The following HSD17B4 variants were observed in gnomAD, a reference collection of about 807,000 sequenced individuals.
The protein encoded by HSD17B4 is hydroxysteroid 17-beta dehydrogenase 4.
Under a neutral mutation model 101.0 loss-of-function variants are expected in HSD17B4, and 70 were observed. The observed-to-expected ratio is 0.69, with a 90% CI of 0.57 to 0.85. The LOEUF (loss-of-function observed/expected upper bound fraction) is 0.85, where lower values mean the gene tolerates loss of function less well. Among genes scored for constraint, HSD17B4 ranks in the 40% least tolerant of loss-of-function variants. The pLI, the probability that HSD17B4 is intolerant of heterozygous loss-of-function variation, is 0.00. For missense variants in HSD17B4, 984 were observed against 892.4 expected (o/e 1.10, Z -1.31); for synonymous variants, 347 against 297.1 (o/e 1.17, Z -1.73).
At chr5:119,515,613 A>G in intron 17 of HSD17B4, among the ~76,000 whole-genome samples, 1 of 152,204 alleles carries the variant, frequency 6.6e-6, no homozygotes, top group South Asian at 2.1e-4. Context: ...TTCTGTGACC[A>G]TAGAAAAATT....
chr5:119,452,674 C>G, intron 1 of HSD17B4, 41 bp downstream of exon 1: 1 of 1,612,710 alleles, frequency 6.2e-7, no homozygotes, highest in Non-Finnish European at 8.5e-7. Context: ...CTTGCTGAGG[C>G]GCAGCTGGCT....
chr5:119,540,766 C>T (rs1580733542), intron 23 of HSD17B4, among the ~76,000 whole-genome samples: 1 of 152,158 alleles, frequency 6.6e-6, no homozygotes, highest in Non-Finnish European at 1.5e-5. Context: ...TGCTCGTTAA[C>T]AAGTATTGTT....
At chr5:119,488,646 G>T (rs1490549790) in intron 8 of HSD17B4, among the ~76,000 whole-genome samples, 1 of 152,036 alleles carries the variant, frequency 6.6e-6, no homozygotes, top group Non-Finnish European at 1.5e-5. Context: ...AGTTCAAAAG[G>T]TAACATATGC....
intron 23 of HSD17B4, among the ~76,000 whole-genome samples, chr5:119,538,047 G>A (rs1184365304): frequency 2.0e-5 from 3 of 152,064 alleles, no homozygotes; most frequent in African/African-American, 7.2e-5. Context: ...AGTCTTCTCT[G>A]AGCTCCACAG....
At chr5:119,491,742 A>C (rs1273713607) in intron 9 of HSD17B4, among the ~76,000 whole-genome samples, 1 of 152,146 alleles carries the variant, frequency 6.6e-6, no homozygotes, top group Admixed American at 6.5e-5. Context: ...CTTCATGGTA[A>C]CCACATGAAA....
At chr5:119,472,100 CAT>C (rs1245420925) in intron 2 of HSD17B4, among the ~76,000 whole-genome samples, 2 of 152,128 alleles carry the variant, frequency 1.3e-5, no homozygotes, top group Admixed American at 1.3e-4. Flanking sequence ...AGTGACTAAA[CAT>C]ATATTGGTTC....
chr5:119,505,451 A>C (rs1434064237), intron 14 of HSD17B4, among the ~76,000 whole-genome samples: 4 of 152,120 alleles, frequency 2.6e-5, no homozygotes, highest in Non-Finnish European at 4.4e-5. Context: ...CCTTGTAGAG[A>C]CCTTACACCA....
intron 9 of HSD17B4, among the ~76,000 whole-genome samples, chr5:119,489,676 G>T (rs1749920572): frequency 6.6e-6 from 1 of 152,098 alleles, no homozygotes; most frequent in Admixed American, 6.6e-5. Flanking sequence ...GGGCTTTCTT[G>T]TGACAACTAC....
At chr5:119,497,602 G>T (rs549804909) in intron 12 of HSD17B4, among the ~76,000 whole-genome samples, 1 of 152,202 alleles carries the variant, frequency 6.6e-6, no homozygotes, top group East Asian at 1.9e-4. Context: ...TTTACCTAAT[G>T]CCCATAAGGC....
At chr5:119,514,176 C>T (rs1752411633) in intron 16 of HSD17B4, among the ~76,000 whole-genome samples, 1 of 152,070 alleles carries the variant, frequency 6.6e-6, no homozygotes, top group South Asian at 2.1e-4. Flanking sequence ...CTTTTGTTTG[C>T]TTTTAGAAGC....
chr5:119,462,926 G>A (rs1165084008), intron 2 of HSD17B4, among the ~76,000 whole-genome samples: 1 of 152,096 alleles, frequency 6.6e-6, no homozygotes, highest in Non-Finnish European at 1.5e-5. Flanking sequence ...TCACCCTAGA[G>A]TACTATACAC....
rs549278500 is a variant in HSD17B4, at chr5:119,493,940, A to G, written c.862A>G (p.Ile288Val). The change falls in exon 11 of 24, where the codon ATC (isoleucine) becomes GTC (valine). Residue 288 changes from isoleucine (I) to valine (V), a missense_variant. Coordinates refer to ENST00000510025, the MANE Select transcript of HSD17B4 (RefSeq NM_000414.4). ...TGAGAATGCCAGCAAGCCTCAGAGT[A>G]TCCAAGGTAAAGAGAGTCCCCGTCA... is the stretch of plus-strand genomic sequence containing the variant. Reference protein sequence around the residue: ...DFENASKPQSIQESTGSIIEV... With the variant: ...DFENASKPQSVQESTGSIIEV... The G allele has an allele frequency of 5.0e-6, 8 of 1,613,156 alleles. No homozygotes were observed. The East Asian group carries it at 1.6e-4, about 31-fold the overall frequency.
chr5:119,508,626 C>T (rs1398957685), intron 15 of HSD17B4, among the ~76,000 whole-genome samples: 3 of 152,140 alleles, frequency 2.0e-5, no homozygotes, highest in South Asian at 4.1e-4. Context: ...AATTAATAAA[C>T]ACTTATTAGG....
At chr5:119,535,947 C>T (rs1448894040) in intron 22 of HSD17B4, 1 of 187,496 alleles carries the variant, frequency 5.3e-6, no homozygotes, top group Non-Finnish European at 1.1e-5. Flanking sequence ...TCATCTGTTA[C>T]CTCACCCCTC....
At chr5:119,476,814 CTTA>C (rs1748630894) in intron 6 of HSD17B4, 1 of 471,228 alleles carries the variant, frequency 2.1e-6, no homozygotes, top group Non-Finnish European at 2.8e-6. Context: ...TTTTTTCACT[CTTA>C]CATTCTTCTT....
chr5:119,475,986 A>G (rs1748547632), intron 6 of HSD17B4, 116 bp downstream of exon 6: 1 of 749,956 alleles, frequency 1.3e-6, no homozygotes, highest in Admixed American at 2.0e-5. Flanking sequence ...TGCTGCTAAT[A>G]TAAATGATGA....
In HSD17B4 at chr5:119,528,243, A is replaced by C. The variant is rs189049079; in HGVS notation, c.1767+1024A>C. ...GTTGAGCTGGGATAGAAACCCGATC[A>C]GCATGGCTTCAAAGCTTTGATTACA... On this transcript the variant is annotated intron_variant, in intron 20 of 23. Coordinates refer to ENST00000510025, the MANE Select transcript of HSD17B4 (RefSeq NM_000414.4). 4.3e-4 allele frequency among the ~76,000 whole-genome samples: 66 copies of C among 152,308 alleles called. No individual in the cohort carries two copies. In the East Asian group the frequency reaches 9.2e-3, roughly 21 times the overall value.
chr5:119,530,870 A>AAC (rs1754033127), intron 21 of HSD17B4, among the ~76,000 whole-genome samples: 2 of 141,436 alleles, frequency 1.4e-5, no homozygotes, highest in Non-Finnish European at 3.0e-5. Flanking sequence ...AAAACAAAAA[A>AAC]CAAAAAAAAC....
At chr5:119,513,712 C>T (rs1003312629) in intron 16 of HSD17B4, among the ~76,000 whole-genome samples, 2 of 152,134 alleles carry the variant, frequency 1.3e-5, no homozygotes, top group Admixed American at 6.5e-5. Flanking sequence ...AACTAGATAC[C>T]ATTCTCTAAG....
Sources: gnomAD v4.1 joint callset for allele counts (sites outside exome capture counted in the v4.1 genomes callset) on GRCh38, gnomAD v4.1.1 for gene constraint, MANE v1.5 for transcripts, NCBI Gene and HGNC (gene_info 2026-07-23, HGNC 2026-07-21) for gene names.